The following CADPS2 variants were observed in gnomAD, a reference collection of about 807,000 sequenced individuals.
The protein encoded by CADPS2 is calcium dependent secretion activator 2.
Under a neutral mutation model 172.5 loss-of-function variants are expected in CADPS2, and 93 were observed. The observed-to-expected ratio is 0.54, with a 90% confidence interval of 0.46 to 0.64. The LOEUF is 0.64. Among genes scored for constraint, CADPS2 ranks in the 30% least tolerant of loss-of-function variants. The probability of loss-of-function intolerance (pLI) is 0.00; values close to 1 mark genes in which losing one functional copy is unlikely to be tolerated. For missense variants in CADPS2, 1,420 were observed against 1,565.9 expected, an observed-to-expected ratio of 0.91 and a Z score of 1.57; for synonymous variants, 546 against 555.2, an observed-to-expected ratio of 0.98 and a Z score of 0.23.
intron 6 of CADPS2, among the ~76,000 whole-genome samples, chr7:122,597,948 G>A (rs1391261522): frequency 1.3e-5 from 2 of 151,256 alleles, no homozygotes; most frequent in Non-Finnish European, 2.9e-5. Flanking sequence ...ACACAAACAT[G>A]GGACATTATT....
intron 1 of CADPS2, among the ~76,000 whole-genome samples, chr7:122,784,759 T>G (rs1481672624): frequency 6.6e-6 from 1 of 152,118 alleles, no homozygotes; most frequent in East Asian, 1.9e-4. Context: ...TTAGAGAATT[T>G]GAGAATTTTA....
rs551429539 is a variant in CADPS2 at position 122,462,116 on chromosome 7, T to C, written c.2186+9259A>G. On this transcript the variant is annotated intron_variant, in intron 14 of 29. Coordinates refer to ENST00000449022, the MANE Select transcript of CADPS2 (RefSeq NM_017954.11). ...TTCTTCAGAAAAAAGGAAAATTGTT[T>C]CTAAATCTAAGCAAATACGAAGTAC... Among the ~76,000 whole-genome samples, 5 of 152,246 alleles carry C rather than the reference T, an allele frequency of 3.3e-5. No homozygotes were observed. In the East Asian group the frequency reaches 7.7e-4, roughly 23 times the overall value.
At chr7:122,747,571 A>G (rs1387637913) in intron 1 of CADPS2, among the ~76,000 whole-genome samples, 3 of 152,148 alleles carry the variant, frequency 2.0e-5, no homozygotes, top group Non-Finnish European at 2.9e-5. Context: ...ACCTCTTTAC[A>G]TAGATTATTT....
intron 1 of CADPS2, among the ~76,000 whole-genome samples, chr7:122,777,970 T>C (rs1475122790): frequency 6.6e-6 from 1 of 151,566 alleles, no homozygotes; most frequent in Non-Finnish European, 1.5e-5. Context: ...CAGGCAGAGG[T>C]TGGAATAGTT....
chr7:122,805,185 G>C (rs1033674273), intron 1 of CADPS2, among the ~76,000 whole-genome samples: 43 of 152,078 alleles, frequency 2.8e-4, no homozygotes, highest in Admixed American at 2.8e-3. Flanking sequence ...TATTGAGAAG[G>C]ATTCTTGCTC....
intron 1 of CADPS2, among the ~76,000 whole-genome samples, chr7:122,773,435 T>C (rs2093766268): frequency 6.6e-6 from 1 of 152,034 alleles, no homozygotes; most frequent in Non-Finnish European, 1.5e-5. Flanking sequence ...GCTGATAATA[T>C]GAAAATGGAG....
chr7:122,876,086 T>G (rs1342798187), intron 1 of CADPS2, among the ~76,000 whole-genome samples: 1 of 152,112 alleles, frequency 6.6e-6, no homozygotes, highest in Non-Finnish European at 1.5e-5. Flanking sequence ...TTTGGGAGGC[T>G]GAGGCGGGTG....
intron 1 of CADPS2, among the ~76,000 whole-genome samples, chr7:122,833,590 T>A (rs999632652): frequency 6.6e-6 from 1 of 151,972 alleles, no homozygotes; most frequent in Non-Finnish European, 1.5e-5. Flanking sequence ...GAGATGGGGT[T>A]TCACCATGTT....
chr7:122,604,604 A>G (rs548008360), intron 6 of CADPS2, among the ~76,000 whole-genome samples: 1 of 152,292 alleles, frequency 6.6e-6, no homozygotes, highest in African/African-American at 2.4e-5. Flanking sequence ...GACTTAGTTC[A>G]GGCTCAAATA....
At chr7:122,751,822 G>A (rs755690549) in intron 1 of CADPS2, among the ~76,000 whole-genome samples, 1 of 152,126 alleles carries the variant, frequency 6.6e-6, no homozygotes, top group Admixed American at 6.6e-5. Flanking sequence ...CTCAGGCTAT[G>A]GTATATGCAT....
chr7:122,335,517 A>C (rs2150870599), intron 28 of CADPS2, among the ~76,000 whole-genome samples: 1 of 152,330 alleles, frequency 6.6e-6, no homozygotes, highest in Non-Finnish European at 1.5e-5. Flanking sequence ...CCTATCTTTA[A>C]GTTATGTAGC....
intron 6 of CADPS2, among the ~76,000 whole-genome samples, chr7:122,586,723 T>G (rs554179835): frequency 6.6e-6 from 1 of 152,006 alleles, no homozygotes; most frequent in African/African-American, 2.4e-5. Context: ...ATCTTAAACT[T>G]TTTTCTTCAT....
intron 27 of CADPS2, among the ~76,000 whole-genome samples, chr7:122,346,575 C>T (rs1261735700): frequency 1.3e-5 from 2 of 152,114 alleles, no homozygotes; most frequent in African/African-American, 2.4e-5. Context: ...ATTGCTTCTA[C>T]TCAATATTTA....
chr7:122,459,015 A>C (rs1359291361), intron 14 of CADPS2, among the ~76,000 whole-genome samples: 1 of 151,996 alleles, frequency 6.6e-6, no homozygotes, highest in Non-Finnish European at 1.5e-5. Context: ...TGAGAAGAGA[A>C]ATTTGAAAAA....
chr7:122,381,396 G>A (rs1274547594), intron 24 of CADPS2, among the ~76,000 whole-genome samples: 1 of 152,116 alleles, frequency 6.6e-6, no homozygotes, highest in Non-Finnish European at 1.5e-5. Context: ...AAGCATGCAG[G>A]CATTGAGGCA....
intron 1 of CADPS2, among the ~76,000 whole-genome samples, chr7:122,760,016 G>A (rs1039985358): frequency 7.4e-5 from 11 of 149,238 alleles, no homozygotes; most frequent in African/African-American, 1.5e-4. Flanking sequence ...ACACACACAC[G>A]GCACAGCACA....
chr7:122,820,542 GTTTTTTGTTTTTTGTTTTTTT>G (rs1802867355), intron 1 of CADPS2, among the ~76,000 whole-genome samples: 1 of 117,792 alleles, frequency 8.5e-6, no homozygotes, highest in African/African-American at 3.6e-5. Context: ...TGACCTTACT[GTTTTTTGTTTTTTGTTTTTTT>G]TTTTTTTTTT....
At chr7:122,332,724 A>G (rs936802464) in intron 28 of CADPS2, among the ~76,000 whole-genome samples, 1 of 152,214 alleles carries the variant, frequency 6.6e-6, no homozygotes, top group African/African-American at 2.4e-5. Context: ...ACATAACACA[A>G]TAAGTTCGAA....
At chr7:122,486,339 T>G (rs1172383041) in intron 11 of CADPS2, among the ~76,000 whole-genome samples, 7 of 152,132 alleles carry the variant, frequency 4.6e-5, no homozygotes, top group Non-Finnish European at 1.0e-4. Context: ...GAGGTAAAAA[T>G]ATCAACATTT....
Sources: gnomAD v4.1 joint callset for allele counts (sites outside exome capture counted in the v4.1 genomes callset) on GRCh38, gnomAD v4.1.1 for gene constraint, MANE v1.5 for transcripts, NCBI Gene and HGNC (gene_info 2026-07-23, HGNC 2026-07-21) for gene names.